RYR2: variants seen among roughly 807,000 people sequenced by gnomAD.
RYR2 encodes ryanodine receptor 2.
A neutral mutation model predicts 601.1 loss-of-function variants in RYR2; 227 were observed. The ratio of observed to expected loss-of-function variants is 0.38; its 90% CI spans 0.34 to 0.42. The LOEUF is 0.42. RYR2 is among the 10% of genes least tolerant of loss of function. The pLI is 1.00. For missense variants in RYR2, 4,646 were observed against 6,156.5 expected, an observed-to-expected ratio of 0.75 and a Z score of 8.21; for synonymous variants, 2,223 against 2,175.1, an observed-to-expected ratio of 1.02 and a Z score of -0.61.
At chr1:237,057,102 T>C (rs770864365) in intron 1 of RYR2, among the ~76,000 whole-genome samples, 9 of 152,102 alleles carry the variant, frequency 5.9e-5, no homozygotes, top group Non-Finnish European at 8.8e-5. Flanking sequence ...ACTGGTGTGA[T>C]TGAGAAACCA....
At chr1:237,300,400 C>A (rs1306586533) in intron 2 of RYR2, among the ~76,000 whole-genome samples, 1 of 152,178 alleles carries the variant, frequency 6.6e-6, no homozygotes, top group Non-Finnish European at 1.5e-5. Context: ...ATTCTATTAA[C>A]ATGGCTATCT....
intron 1 of RYR2, among the ~76,000 whole-genome samples, chr1:237,148,769 G>C (rs1385617233): frequency 6.6e-6 from 1 of 151,802 alleles, no homozygotes; most frequent in Non-Finnish European, 1.5e-5. Context: ...TAAAAATAAT[G>C]ATAATTATAC....
At chr1:237,299,200 G>A (rs1001947438) in intron 2 of RYR2, among the ~76,000 whole-genome samples, 2 of 144,814 alleles carry the variant, frequency 1.4e-5, no homozygotes, top group African/African-American at 2.5e-5. Context: ...GTAAATCTCC[G>A]CTTAAATCCT....
intron 27 of RYR2, among the ~76,000 whole-genome samples, chr1:237,565,127 CTTTCTTTCTTTCTT>C (rs1671849487): frequency 1.6e-5 from 2 of 124,414 alleles, no homozygotes; most frequent in South Asian, 6.4e-4. Flanking sequence ...TTCTTTCTTT[CTTTCTTTCTTTCTT>C]TTTCTTTCTT....
intron 2 of RYR2, among the ~76,000 whole-genome samples, chr1:237,313,786 T>G (rs1438066613): frequency 2.0e-5 from 3 of 152,146 alleles, no homozygotes; most frequent in Non-Finnish European, 4.4e-5. Context: ...TGAAAATGCT[T>G]TTGCTAGGGG....
intron 2 of RYR2, among the ~76,000 whole-genome samples, chr1:237,279,446 C>G (rs6661133): frequency 0.13 from 20,086 of 152,076 alleles, 2,278 homozygotes; most frequent in African/African-American, 0.31. Context: ...CCACTGTACT[C>G]CAGCCTAGGC....
At chr1:237,810,723 G>A (rs889609725) in intron 100 of RYR2, among the ~76,000 whole-genome samples, 8 of 152,046 alleles carry the variant, frequency 5.3e-5, no homozygotes, top group African/African-American at 1.7e-4. Context: ...TCCTGATTAA[G>A]TCAGTTACGA....
Position 237,623,781 on chromosome 1 carries a change from A to C in RYR2, c.5933A>C (p.Asn1978Thr). ...AACTTTCAGATCAATATGCTTCTCA[A>C]TTTTAAGGATGACAAAAGTGAATGT... ...PPQEQINMLL[N>T]FKDDKSECPC... is the part of the protein sequence containing the mutation. The change falls in exon 39 of 105, where the codon AAT becomes ACT. Residue 1978 changes from asparagine to threonine, a missense_variant. Around this residue, in one of 17 missense-constraint regions of RYR2, gnomAD observed 170 missense variants for 184.5 expected, o/e 0.92. Transcript: ENST00000366574. 1.2e-6 allele frequency: 2 copies of C among 1,609,040 alleles called. No homozygotes were observed. The highest frequency in any genetic ancestry group is 2.2e-5 in the South Asian group (2 of 90,616).
chr1:237,120,495 G>A (rs1204948270), intron 1 of RYR2, among the ~76,000 whole-genome samples: 1 of 152,164 alleles, frequency 6.6e-6, no homozygotes, highest in African/African-American at 2.4e-5. Context: ...TTTTCTAAGT[G>A]ATCAATAAAT....
chr1:237,790,113 C>T (rs1051640805), intron 92 of RYR2, among the ~76,000 whole-genome samples: 1 of 152,102 alleles, frequency 6.6e-6, no homozygotes, highest in African/African-American at 2.4e-5. Flanking sequence ...TTGACATCTC[C>T]CACTTAATAT....
At chr1:237,197,260 G>A (rs372349860) in intron 1 of RYR2, among the ~76,000 whole-genome samples, 20 of 152,104 alleles carry the variant, frequency 1.3e-4, no homozygotes, top group South Asian at 1.2e-3. Flanking sequence ...TTCAGCACAG[G>A]GTTCAACAGA....
At chr1:237,103,829 A>T (rs754259968) in intron 1 of RYR2, among the ~76,000 whole-genome samples, 1 of 152,100 alleles carries the variant, frequency 6.6e-6, no homozygotes, top group Non-Finnish European at 1.5e-5. Context: ...TCGGCCTCCC[A>T]AAGTGTTGGG....
At chr1:237,484,492 T>C (rs1377028723) in intron 17 of RYR2, among the ~76,000 whole-genome samples, 2 of 152,202 alleles carry the variant, frequency 1.3e-5, no homozygotes, top group Non-Finnish European at 2.9e-5. Flanking sequence ...TGGCTACCAG[T>C]CTAATTCCAT....
At position 237,819,269 on chromosome 1, in the gene RYR2, G is replaced by T; in HGVS notation, c.14590+77G>T. The T allele has an allele frequency of 7.4e-7, 1 of 1,359,198 alleles. No homozygotes were observed. The highest frequency in any genetic ancestry group is 1.0e-6 in the Non-Finnish European group (1 of 970,160). The allele number at this position is 1,359,198 out of a possible 1,614,324, so 84.2% of individuals were successfully genotyped here. A position where few individuals can be genotyped will look rare whatever the true frequency, so the allele number is the denominator to read the frequency against. The stretch of plus-strand genomic sequence containing the variant: ...GTTGCTGAAGTTAATATTCAAGGTA[G>T]GGTAATGACGTCAAGTGTTTCCTGG... On this transcript the variant is annotated intron_variant, in intron 101 of 104. Coordinates refer to ENST00000366574, the MANE Select transcript of RYR2 (RefSeq NM_001035.3). The surrounding 1 kb of genome is among the most constrained non-coding windows in gnomAD (Gnocchi z 4.0).
chr1:237,642,173 A>T (rs897320928), intron 47 of RYR2, among the ~76,000 whole-genome samples: 35 of 152,244 alleles, frequency 2.3e-4, no homozygotes, highest in African/African-American at 8.4e-4. Context: ...TACCCTTATT[A>T]TCTATATTTC....
chr1:237,154,544 G>T (rs1401318280), intron 1 of RYR2, among the ~76,000 whole-genome samples: 3 of 152,170 alleles, frequency 2.0e-5, no homozygotes, highest in Non-Finnish European at 4.4e-5. Context: ...GGCAGGTGCA[G>T]TGGTGTGCCT....
intron 24 of RYR2, among the ~76,000 whole-genome samples, chr1:237,517,328 G>A (rs1666644591): frequency 6.6e-6 from 1 of 152,090 alleles, no homozygotes; most frequent in African/African-American, 2.4e-5. Flanking sequence ...CTGATAGTGT[G>A]TTTATAACTC....
intron 98 of RYR2, among the ~76,000 whole-genome samples, chr1:237,805,579 TCAAAAAAAAAAAAAAAAAA>T (rs1660540136): frequency 6.8e-5 from 1 of 14,630 alleles, no homozygotes; most frequent in Non-Finnish European, 1.1e-4. Context: ...AGACTCTGTC[TCAAAAAAAAAAAAAAAAAA>T]AAAAAAAGTA....
intron 48 of RYR2, among the ~76,000 whole-genome samples, chr1:237,645,383 T>A (rs552466495): frequency 2.0e-5 from 3 of 152,356 alleles, no homozygotes; most frequent in Admixed American, 6.5e-5. Flanking sequence ...TAGCTCATCT[T>A]CCTTTGCTGT....
Sources: gnomAD v4.1 joint callset for allele counts (sites outside exome capture counted in the v4.1 genomes callset) on GRCh38, gnomAD v4.1.1 for gene constraint, gnomAD v4.1.1 regional missense constraint, Gnocchi (gnomAD v3.1) non-coding constraint, MANE v1.5 for transcripts, NCBI Gene and HGNC (gene_info 2026-07-23, HGNC 2026-07-21) for gene names.